Variants in ACBD3 observed in about 807,000 individuals in gnomAD.
ACBD3 encodes the protein acyl-CoA binding domain containing 3, also known as Golgi resident protein GCP60.
ACBD3 carries 30 observed loss-of-function variants against 66.9 expected under a neutral mutation model. The ratio of observed to expected loss-of-function variants is 0.45; its 90% CI spans 0.34 to 0.61. The LOEUF (loss-of-function observed/expected upper bound fraction) is 0.61. ACBD3 is among the 20% of genes least tolerant of loss of function. The probability of loss-of-function intolerance (pLI) is 0.02; values close to 1 mark genes in which losing one functional copy is unlikely to be tolerated. For missense variants in ACBD3, 544 were observed against 664.5 expected (o/e 0.82, Z 1.99); for synonymous variants, 278 against 259.8 (o/e 1.07, Z -0.68).
intron 1 of ACBD3, among the ~76,000 whole-genome samples, chr1:226,179,746 T>C (rs1656128600): frequency 1.3e-5 from 2 of 151,984 alleles, no homozygotes; most frequent in African/African-American, 2.4e-5. Flanking sequence ...TAATCCCAGC[T>C]ACTTGGGAGG....
intron 1 of ACBD3, among the ~76,000 whole-genome samples, chr1:226,171,347 C>T (rs1320433886): frequency 1.3e-5 from 2 of 151,948 alleles, no homozygotes; most frequent in South Asian, 2.1e-4. Context: ...CGAGGTTTTA[C>T]CATGTTGGCC....
chr1:226,161,954 T>C (rs2102780741), intron 3 of ACBD3, among the ~76,000 whole-genome samples: 1 of 152,358 alleles, frequency 6.6e-6, no homozygotes, highest in East Asian at 1.9e-4. Context: ...GATATTCCTA[T>C]ACCCTGAAGG....
chr1:226,180,173 A>C lies in ACBD3; in HGVS notation c.286+6217T>G, dbSNP rs74981160. 3.5e-4 allele frequency among the ~76,000 whole-genome samples: 47 copies of C among 134,550 alleles called. No homozygotes were observed. The East Asian group carries it at 4.5e-3, about 13-fold the overall frequency. 88.3% of individuals were successfully genotyped at this position (134,550 alleles called of 152,430 possible). The stretch of plus-strand genomic sequence containing the variant: ...GCAACAGAGCAAGACTCTGTCTCCC[A>C]AAAAAAAAAAAAAAAAAGGATAATA... On this transcript the variant is annotated intron_variant, in intron 1 of 7. Transcript: ENST00000366812.
chr1:226,175,868 A>G (rs1656019230), intron 1 of ACBD3, among the ~76,000 whole-genome samples: 1 of 152,242 alleles, frequency 6.6e-6, no homozygotes, highest in Admixed American at 6.5e-5. Context: ...GAATAAACTC[A>G]TGCACAATTT....
intron 7 of ACBD3, among the ~76,000 whole-genome samples, chr1:226,147,368 C>G (rs1247079349): frequency 6.6e-6 from 1 of 152,202 alleles, no homozygotes; most frequent in African/African-American, 2.4e-5. Flanking sequence ...CAGTGATGAA[C>G]ATCTAGTGGT....
chr1:226,173,188 C>T (rs1655896147), intron 1 of ACBD3, among the ~76,000 whole-genome samples: 1 of 152,050 alleles, frequency 6.6e-6, no homozygotes, highest in South Asian at 2.1e-4. Flanking sequence ...GAGAGGATCC[C>T]TTGATCTTGG....
intron 5 of ACBD3, among the ~76,000 whole-genome samples, chr1:226,158,234 T>C (rs1455561151): frequency 1.3e-5 from 2 of 152,238 alleles, no homozygotes; most frequent in Admixed American, 6.5e-5. Context: ...GATTATTTCA[T>C]GCAGTAAGAA....
intron 5 of ACBD3, among the ~76,000 whole-genome samples, chr1:226,156,538 G>A (rs1308417433): frequency 1.3e-5 from 2 of 151,844 alleles, no homozygotes; most frequent in Non-Finnish European, 2.9e-5. Context: ...ACACACACAC[G>A]GAAAAAGCCT....
intron 1 of ACBD3, among the ~76,000 whole-genome samples, chr1:226,172,745 G>C (rs1655867456): frequency 6.6e-6 from 1 of 152,066 alleles, no homozygotes; most frequent in Non-Finnish European, 1.5e-5. Flanking sequence ...AGGAGTTTGA[G>C]ACCAACCTGG....
rs145683542 is a variant in ACBD3 at position 226,156,036 on chromosome 1, T to C, written c.904-1203A>G. ...GGTAACTTTGGTGGGGAACTATAAA[T>C]TGAATTACAACATACATGTAGAAAG... On this transcript the variant is annotated intron_variant, in intron 5 of 7. Coordinates refer to ENST00000366812, the MANE Select transcript of ACBD3 (RefSeq NM_022735.4). Among the ~76,000 whole-genome samples, 989 of 152,308 alleles carry C rather than the reference T, an allele frequency of 6.5e-3. 8 individuals carry two copies. The highest frequency in any genetic ancestry group is 0.023 in the African/African-American group (937 of 41,582).
At chr1:226,166,466 CG>C (rs1258739271) in intron 1 of ACBD3, among the ~76,000 whole-genome samples, 1 of 149,918 alleles carries the variant, frequency 6.7e-6, no homozygotes, top group African/African-American at 2.5e-5. Flanking sequence ...GAACCTAAGA[CG>C]GAAATCCGGT....
rs779380166 is a variant in ACBD3 at position 226,172,155 on chromosome 1, C to CAAAAAAAAAAAAAAA, written c.287-6170_287-6156dup. ...GGGAAACAAGAGCAAAACTCCATCT[C>CAAAAAAAAAAAAAAA]AAAAAAAAAAAAAAAGAGGAATACA... On this transcript the variant is annotated intron_variant, in intron 1 of 7. Coordinates refer to ENST00000366812, the MANE Select transcript of ACBD3 (RefSeq NM_022735.4). Among the ~76,000 whole-genome samples, 3 of 43,224 alleles carry CAAAAAAAAAAAAAAA rather than the reference C, an allele frequency of 6.9e-5. 1 individual carries two copies. The highest frequency in any genetic ancestry group is 2.9e-3 in the East Asian group (2 of 688). 28.4% of individuals were successfully genotyped at this position (43,224 alleles called of 152,430 possible). A position where few individuals can be genotyped will look rare whatever the true frequency, so the allele number is the denominator to read the frequency against.
At chr1:226,157,706 ATTTT>A (rs908907038) in intron 5 of ACBD3, among the ~76,000 whole-genome samples, 1 of 149,696 alleles carries the variant, frequency 6.7e-6, no homozygotes, top group African/African-American at 2.5e-5. Flanking sequence ...TGCCCAGCTA[ATTTT>A]TTTTTTCTTT....
At chr1:226,162,119 C>T (rs888256477) in intron 3 of ACBD3, among the ~76,000 whole-genome samples, 3 of 152,176 alleles carry the variant, frequency 2.0e-5, no homozygotes, top group African/African-American at 2.4e-5. Context: ...TCTCACACCA[C>T]GACATCCTCA....
intron 3 of ACBD3, among the ~76,000 whole-genome samples, chr1:226,162,379 AT>A (rs1199600628): frequency 1.3e-5 from 2 of 152,044 alleles, no homozygotes; most frequent in Admixed American, 1.3e-4. Context: ...GGGAAAAAAG[AT>A]TTTTTTCAGT....
In ACBD3 at chr1:226,161,540, T is replaced by G. The variant is rs938771062; in HGVS notation, c.719A>C (p.Glu240Ala). ...RRIEEERLRL[E>A]QQKQQIMAAL... is the part of the protein sequence containing the mutation. ...CACATAATAAACTTACTTTTGCTGC[T>G]CCAACCGAAGCCTTTCTTCTTCTAT... The change falls in exon 4 of 8, where the codon GAG becomes GCG. Residue 240 changes from glutamate (E) to alanine (A), a missense_variant. Transcript: ENST00000366812. The G allele has an allele frequency of 1.2e-6, 2 of 1,613,078 alleles. No individual in the cohort carries two copies. The highest frequency in any genetic ancestry group is 1.7e-6 in the Non-Finnish European group (2 of 1,179,868).
At chr1:226,172,155 C>CAAAAAAAAAAAAAAAAAAAAAAA (rs779380166) in intron 1 of ACBD3, among the ~76,000 whole-genome samples, 7 of 43,224 alleles carry the variant, frequency 1.6e-4, no homozygotes, top group East Asian at 1.5e-3. Flanking sequence ...AACTCCATCT[C>CAAAAAAAAAAAAAAAAAAAAAAA]AAAAAAAAAA....
intron 1 of ACBD3, among the ~76,000 whole-genome samples, chr1:226,170,969 G>A (rs966422202): frequency 3.9e-5 from 6 of 152,004 alleles, no homozygotes; most frequent in Admixed American, 2.0e-4. Flanking sequence ...TGTAGACAGA[G>A]GGTTTTGCCA....
chr1:226,152,421 C>G lies in ACBD3; in HGVS notation c.1289G>C (p.Gly430Ala). 6.2e-7 allele frequency: 1 copy of G among 1,614,168 alleles called. No homozygotes were observed. Among genetic ancestry groups the G allele is most frequent in the African/African-American group, 1.3e-5 (1 of 75,032 alleles). ...AGAGTCTGTCCATTCAAAATACACC[C>G]CAAACCCAATGTCATAATTGTCTGT... ...FATDNYDIGF[G>A]VYFEWTDSPN... Residue 430 changes from glycine to alanine, a missense_variant, in exon 7 of 8, where the codon GGG becomes GCG. Transcript: ENST00000366812.
Sources: allele counts gnomAD v4.1 joint callset (sites outside exome capture counted in the v4.1 genomes callset), GRCh38; gene constraint gnomAD v4.1.1; transcripts MANE v1.5; gene names NCBI Gene and HGNC (gene_info 2026-07-23, HGNC 2026-07-21).